The following PCDH15 variants were observed in gnomAD, a reference collection of about 807,000 sequenced individuals.
PCDH15 encodes the protein protocadherin-15.
Under a neutral mutation model 178.5 loss-of-function variants are expected in PCDH15, and 129 were observed. The observed-to-expected ratio is 0.72, with a 90% CI of 0.63 to 0.84. The LOEUF (loss-of-function observed/expected upper bound fraction) is 0.84, where lower values mean the gene tolerates loss of function less well. Ranked by LOEUF, PCDH15 falls within the 40% of genes least tolerant of loss-of-function variation. PCDH15 has a pLI of 0.00. For missense variants in PCDH15, 2,230 were observed against 2,099.9 expected, an observed-to-expected ratio of 1.06 and a Z score of -1.21; for synonymous variants, 800 against 732.0, an observed-to-expected ratio of 1.09 and a Z score of -1.50.
chr10:54,719,602 T>C (rs562217429), intron 1 of PCDH15, among the ~76,000 whole-genome samples: 2 of 152,188 alleles, frequency 1.3e-5, no homozygotes, highest in East Asian at 3.9e-4. Flanking sequence ...GGTGATTTGC[T>C]GCACTTATCA....
chr10:54,009,753 G>A (rs1222524537), intron 20 of PCDH15, among the ~76,000 whole-genome samples: 2 of 152,142 alleles, frequency 1.3e-5, no homozygotes. Context: ...TGAGTCCCTG[G>A]GGACCCACCT....
At chr10:53,844,019 T>A (rs1346791456) in intron 28 of PCDH15, among the ~76,000 whole-genome samples, 2 of 151,644 alleles carry the variant, frequency 1.3e-5, no homozygotes, top group African/African-American at 4.8e-5. Flanking sequence ...ATTGAGACTT[T>A]GATATTTGAG....
chr10:54,475,376 T>C (rs554296752), intron 3 of PCDH15, among the ~76,000 whole-genome samples: 25 of 152,130 alleles, frequency 1.6e-4, no homozygotes, highest in African/African-American at 5.1e-4. Flanking sequence ...GAGTTGTATA[T>C]GTTTGGAAAA....
chr10:54,401,572 C>G (rs890009950), intron 3 of PCDH15, among the ~76,000 whole-genome samples: 1 of 151,606 alleles, frequency 6.6e-6, no homozygotes, highest in African/African-American at 2.4e-5. Context: ...TATTCAATGA[C>G]TCTGAACAAG....
At position 55,312,622 on chromosome 10, in the gene PCDH15, T is replaced by A. The variant is rs539191800; in HGVS notation, c.-156+6977A>T. Among the ~76,000 whole-genome samples the A allele has an allele frequency of 6.2e-3, 664 of 107,572 alleles. 7 individuals are homozygous for A. The highest frequency in any genetic ancestry group is 0.034 in the African/African-American group (619 of 18,288). 70.6% of individuals were successfully genotyped at this position (107,572 alleles called of 152,430 possible). The stretch of plus-strand genomic sequence containing the variant: ...ATGTTGACTGCTCTAAGTAATAGAG[T>A]TTTTTTTTTTTTTAGACGTAGTTTC... On this transcript the variant is annotated intron_variant, in intron 1 of 5. Transcript: ENST00000458638.
intron 15 of PCDH15, among the ~76,000 whole-genome samples, chr10:54,132,629 T>C (rs4272709): frequency 6.6e-6 from 1 of 152,050 alleles, no homozygotes; most frequent in Non-Finnish European, 1.5e-5. Flanking sequence ...CCTGTAATGA[T>C]TGCAGCTAAT....
intron 2 of PCDH15, among the ~76,000 whole-genome samples, chr10:54,901,079 C>T (rs528117926): frequency 1.7e-4 from 26 of 150,200 alleles, no homozygotes; most frequent in Non-Finnish European, 3.2e-4. Context: ...TTTGGAAGGC[C>T]GAGGCAGGTG....
chr10:54,651,369 A>C (rs1369464953), intron 2 of PCDH15, among the ~76,000 whole-genome samples: 1 of 152,230 alleles, frequency 6.6e-6, no homozygotes, highest in Non-Finnish European at 1.5e-5. Context: ...ATGTGGACAC[A>C]ATCCAGTAGA....
At chr10:55,382,239 A>G (rs1457718685) in intron 2 of PCDH15, among the ~76,000 whole-genome samples, 1 of 152,144 alleles carries the variant, frequency 6.6e-6, no homozygotes, top group African/African-American at 2.4e-5. Context: ...AGGCAGAATA[A>G]TGGTCCCCTA....
At chr10:53,822,885 A>C in intron 32 of PCDH15, 1 of 1,614,040 alleles carries the variant, frequency 6.2e-7, no homozygotes, top group Non-Finnish European at 8.5e-7. Context: ...GTTTGTACAG[A>C]TTCCAGTGTT....
At chr10:54,896,898 T>C (rs779477884) in intron 3 of PCDH15, among the ~76,000 whole-genome samples, 1 of 152,218 alleles carries the variant, frequency 6.6e-6, no homozygotes, top group Non-Finnish European at 1.5e-5. Flanking sequence ...TATTAGGTGC[T>C]TTTATGTGAC....
chr10:53,861,028 T>A (rs1234421745), intron 27 of PCDH15, among the ~76,000 whole-genome samples: 1 of 152,196 alleles, frequency 6.6e-6, no homozygotes. Flanking sequence ...GTCTGGTTTA[T>A]GTAGAACACA....
intron 2 of PCDH15, among the ~76,000 whole-genome samples, chr10:55,130,767 A>C (rs1201299911): frequency 6.6e-6 from 1 of 151,304 alleles, no homozygotes; most frequent in Non-Finnish European, 1.5e-5. Context: ...AAGGAGGAAA[A>C]ATAAAATTAG....
chr10:54,000,582 G>A (rs2092084912), intron 20 of PCDH15, among the ~76,000 whole-genome samples: 1 of 151,690 alleles, frequency 6.6e-6, no homozygotes, highest in African/African-American at 2.4e-5. Context: ...AATTGACCAA[G>A]CAGAAGAAAG....
intron 1 of PCDH15, among the ~76,000 whole-genome samples, chr10:55,188,410 T>G (rs1383599840): frequency 6.6e-6 from 1 of 151,924 alleles, no homozygotes; most frequent in Non-Finnish European, 1.5e-5. Flanking sequence ...ATCAGTTACT[T>G]TTTCTGGCAT....
intron 1 of PCDH15, among the ~76,000 whole-genome samples, chr10:55,173,337 G>GTGTGTA (rs1447309417): frequency 2.7e-5 from 4 of 150,598 alleles, no homozygotes; most frequent in Non-Finnish European, 4.4e-5. Flanking sequence ...GTGTGTGTGT[G>GTGTGTA]TGTGTGTGTA....
chr10:54,264,397 C>A (rs755281679), intron 8 of PCDH15, among the ~76,000 whole-genome samples: 1 of 152,032 alleles, frequency 6.6e-6, no homozygotes, highest in Non-Finnish European at 1.5e-5. Flanking sequence ...CACTAGCTCC[C>A]TAGAAAAGGA....
intron 2 of PCDH15, among the ~76,000 whole-genome samples, chr10:55,415,314 C>T (rs184157757): frequency 6.6e-6 from 1 of 151,786 alleles, no homozygotes; most frequent in East Asian, 1.9e-4. Context: ...AGACTGTCTA[C>T]TGCCTTATAA....
At chr10:55,171,691 A>G (rs934505681) in intron 1 of PCDH15, among the ~76,000 whole-genome samples, 13 of 152,090 alleles carry the variant, frequency 8.5e-5, no homozygotes, top group Non-Finnish European at 1.8e-4. Flanking sequence ...ATGATTTCTA[A>G]TATGTCTTTC....
Sources: allele counts gnomAD v4.1 joint callset (sites outside exome capture counted in the v4.1 genomes callset), GRCh38; gene constraint gnomAD v4.1.1; transcripts MANE v1.5; gene names NCBI Gene and HGNC (gene_info 2026-07-23, HGNC 2026-07-21).